CCDC50: variants seen among roughly 807,000 people sequenced by gnomAD.
CCDC50 encodes the protein coiled-coil domain containing 50, also known as coiled-coil domain-containing protein 50.
In CCDC50, 54 loss-of-function variants were observed where a neutral mutation model predicts 70.2. The observed-to-expected ratio is 0.77, with a 90% CI of 0.62 to 0.96. The LOEUF is 0.96. CCDC50 is among the 50% of genes least tolerant of loss of function. The pLI is 0.00. For synonymous variants in CCDC50, 216 were observed against 198.8 expected (o/e 1.09, Z -0.73); for missense variants, 558 against 578.7 (o/e 0.96, Z 0.37).
chr3:191,390,073 A>C (rs1349209389), intron 11 of CCDC50, among the ~76,000 whole-genome samples: 1 of 151,812 alleles, frequency 6.6e-6, no homozygotes, highest in African/African-American at 2.4e-5. Context: ...ATGTCACCCC[A>C]GGCTGGACTC....
intron 1 of CCDC50, among the ~76,000 whole-genome samples, chr3:191,341,346 C>T (rs1459975331): frequency 1.3e-5 from 2 of 152,084 alleles, no homozygotes. Context: ...TAATTTAGTC[C>T]TCACAACATT....
At chr3:191,387,804 T>A (rs1713549625) in intron 10 of CCDC50, among the ~76,000 whole-genome samples, 1 of 152,144 alleles carries the variant, frequency 6.6e-6, no homozygotes, top group Admixed American at 6.5e-5. Context: ...TTTTTGTGAG[T>A]TCCACTCAAC....
At chr3:191,334,196 G>C (rs1415274464) in intron 1 of CCDC50, among the ~76,000 whole-genome samples, 1 of 152,072 alleles carries the variant, frequency 6.6e-6, no homozygotes, top group Non-Finnish European at 1.5e-5. Flanking sequence ...AATTTTCCAT[G>C]GTACATGAAC....
At chr3:191,355,945 A>G (rs892020796) in intron 1 of CCDC50, among the ~76,000 whole-genome samples, 4 of 152,196 alleles carry the variant, frequency 2.6e-5, no homozygotes, top group African/African-American at 9.7e-5. Flanking sequence ...TGTTGAGTGT[A>G]TATGTGAACA....
In CCDC50 at chr3:191,369,374, A is replaced by G. The variant is rs182905577; in HGVS notation, c.331-545A>G. ...GAAACATTACGGAATGTTATTCATC[A>G]TTCTGTCCCTCACAGTGCCTCTCAC... On this transcript the variant is annotated intron_variant, in intron 4 of 11. Coordinates refer to ENST00000392455, the MANE Select transcript of CCDC50 (RefSeq NM_178335.3). Among the ~76,000 whole-genome samples the G allele has an allele frequency of 3.9e-4, 60 of 152,204 alleles. 1 individual carries two copies. The East Asian group carries it at 7.9e-3, about 20-fold the overall frequency.
At position 191,375,494 on chromosome 3, in the gene CCDC50, G is replaced by T; in HGVS notation, c.881G>T (p.Arg294Met). Residue 294 changes from arginine to methionine, a missense_variant, in exon 6 of 12, where the codon AGG becomes ATG. Transcript: ENST00000392455. The part of the protein sequence containing the change: ...GLHCKEVVYG[R>M]DHGQGEHRKR... ...CACTGCAAGGAAGTTGTATATGGGA[G>T]GGACCATGGGCAAGGTGAGCACAGA... 1 of 1,613,678 alleles carries T rather than the reference G, an allele frequency of 6.2e-7. No homozygotes were observed. Among genetic ancestry groups the T allele is most frequent in the Non-Finnish European group, 8.5e-7 (1 of 1,179,828 alleles).
chr3:191,363,844 T>C (rs923026989), intron 4 of CCDC50, among the ~76,000 whole-genome samples: 4 of 152,180 alleles, frequency 2.6e-5, no homozygotes, highest in African/African-American at 9.7e-5. Flanking sequence ...TGTGCCAAGG[T>C]AGAAAAATGT....
Position 191,393,880 on chromosome 3 carries a change from AC to A in CCDC50, c.*2121del, listed in dbSNP as rs1423880506. ...TTTATTGTAATTTTAAAGGAAAAAA[AC>A]AATGTATTTTTATTTGATAACTAGG... is the stretch of plus-strand genomic sequence containing the variant. On this transcript the variant is annotated 3_prime_UTR_variant, in exon 12 of 12. Transcript: ENST00000392455. 2 of 152,178 alleles carry A rather than the reference AC, an allele frequency of 1.3e-5. No homozygotes were observed. The highest frequency in any genetic ancestry group is 4.8e-5 in the African/African-American group (2 of 41,450). The allele number at this position is 152,178 out of a possible 1,614,324, so 9.4% of individuals were successfully genotyped here.
intron 1 of CCDC50, among the ~76,000 whole-genome samples, chr3:191,332,515 T>C (rs1418925197): frequency 6.6e-6 from 1 of 152,234 alleles, no homozygotes; most frequent in Admixed American, 6.5e-5. Flanking sequence ...CTCTATTTCT[T>C]CTGAAACATT....
chr3:191,357,904 C>T (rs1279720509), intron 2 of CCDC50, 94 bp from the exon 3 acceptor site: 1 of 1,484,256 alleles, frequency 6.7e-7, no homozygotes, highest in Non-Finnish European at 9.4e-7. Context: ...GGATGCAAAG[C>T]TGTTGTTATG....
chr3:191,371,546 T>G (rs1712913956), intron 5 of CCDC50, among the ~76,000 whole-genome samples: 1 of 152,176 alleles, frequency 6.6e-6, no homozygotes, highest in Non-Finnish European at 1.5e-5. Context: ...TGTAATTCCA[T>G]TATAAAAGGT....
intron 5 of CCDC50, among the ~76,000 whole-genome samples, chr3:191,372,885 G>T (rs573612882): frequency 6.6e-6 from 1 of 151,966 alleles, no homozygotes; most frequent in African/African-American, 2.4e-5. Flanking sequence ...ATGAAGTTAC[G>T]TACTAAATAA....
chr3:191,361,209 CT>C, intron 4 of CCDC50, 50 bp downstream of exon 4: 1 of 1,377,996 alleles, frequency 7.3e-7, no homozygotes, highest in Non-Finnish European at 1.0e-6. Flanking sequence ...GGGTGCTCAG[CT>C]TTAGAGCAAA....
intron 1 of CCDC50, among the ~76,000 whole-genome samples, chr3:191,355,159 A>G (rs1712236644): frequency 6.6e-6 from 1 of 152,186 alleles, no homozygotes; most frequent in Non-Finnish European, 1.5e-5. Flanking sequence ...AAAATCATTA[A>G]GAGTAATCTT....
chr3:191,349,956 A>AT (rs1712047843), intron 1 of CCDC50, among the ~76,000 whole-genome samples: 1 of 102,882 alleles, frequency 9.7e-6, no homozygotes, highest in South Asian at 3.2e-4. Context: ...TTTAACTAGT[A>AT]TTTAATAATA....
At chr3:191,370,057 A>T in intron 5 of CCDC50, 21 bp downstream of exon 5, 2 of 1,475,258 alleles carry the variant, frequency 1.4e-6, no homozygotes, top group Non-Finnish European at 1.9e-6. Flanking sequence ...CTGCATCATG[A>T]TCTATTCTAT....
At chr3:191,342,189 G>T (rs771494828) in intron 1 of CCDC50, among the ~76,000 whole-genome samples, 20 of 152,312 alleles carry the variant, frequency 1.3e-4, no homozygotes, top group African/African-American at 4.8e-4. Context: ...AAGATTTCCA[G>T]AAATGTGTGT....
intron 5 of CCDC50, 68 bp from the exon 6 acceptor site, chr3:191,374,994 A>G: frequency 2.0e-6 from 3 of 1,486,946 alleles, no homozygotes; most frequent in East Asian, 2.3e-5. Context: ...CCCCCTGTGT[A>G]GTGAGTTCAT....
In CCDC50 at chr3:191,329,518, C is replaced by T; in HGVS notation, c.-157C>T. The T allele has an allele frequency of 1.6e-6, 1 of 631,994 alleles. No homozygotes were observed. The highest frequency in any genetic ancestry group is 2.6e-6 in the Non-Finnish European group (1 of 391,968). The allele number at this position is 631,994 out of a possible 1,614,324, so 39.1% of individuals were successfully genotyped here. ...CGTCTCCCGCTGCTTTGGTCACCAG[C>T]CCCTGCCCGCCCGACCCGCTCCGTT... On this transcript the variant is annotated 5_prime_UTR_variant, in exon 1 of 12. Coordinates refer to ENST00000392455, the MANE Select transcript of CCDC50 (RefSeq NM_178335.3).
Sources: gnomAD v4.1 joint callset for allele counts (sites outside exome capture counted in the v4.1 genomes callset) on GRCh38, gnomAD v4.1.1 for gene constraint, MANE v1.5 for transcripts, NCBI Gene and HGNC (gene_info 2026-07-23, HGNC 2026-07-21) for gene names.